Variants in EML6 observed in about 807,000 individuals in gnomAD.
The protein encoded by EML6 is EMAP like 6.
A neutral mutation model predicts 240.1 loss-of-function variants in EML6; 154 were observed. That is an observed-to-expected ratio of 0.64 (90% CI 0.56 to 0.73). EML6 has a LOEUF of 0.73. Among genes scored for constraint, EML6 ranks in the 30% least tolerant of loss-of-function variants. The pLI is 0.00. For missense variants in EML6, 2,964 were observed against 2,474.6 expected (o/e 1.20, Z -4.20); for synonymous variants, 1,148 against 899.0 (o/e 1.28, Z -4.95).
chr2:54,861,837 AATTCC>A (rs1459324485), intron 12 of EML6, among the ~76,000 whole-genome samples: 1 of 151,792 alleles, frequency 6.6e-6, no homozygotes, highest in Non-Finnish European at 1.5e-5. Context: ...GAAGAAATGA[AATTCC>A]AGATAAACGA....
In EML6 at chr2:54,895,414, G is replaced by T. The variant is rs1478012960; in HGVS notation, c.2982+14G>T. ...CTGCTTGTTCAGGTACTGTTTGTAT[G>T]TATTCTAAACTGCAGTTCACATCAA... On this transcript the variant is annotated intron_variant, in intron 21 of 41. Coordinates refer to ENST00000356458, the MANE Select transcript of EML6 (RefSeq NM_001039753.4). 1 of 1,551,430 alleles carries T rather than the reference G, an allele frequency of 6.4e-7. No individual in the cohort carries two copies. The highest frequency in any genetic ancestry group is 1.4e-5 in the African/African-American group (1 of 73,002).
chr2:54,901,150 T>C (rs1673037457), intron 22 of EML6, among the ~76,000 whole-genome samples: 2 of 152,192 alleles, frequency 1.3e-5, no homozygotes, highest in Admixed American at 1.3e-4. Flanking sequence ...GCTATTATTA[T>C]TGCCACTTAC....
At chr2:54,843,830 G>C (rs1333666777) in intron 7 of EML6, among the ~76,000 whole-genome samples, 4 of 124,752 alleles carry the variant, frequency 3.2e-5, no homozygotes, top group Admixed American at 8.9e-5. Context: ...GGGTGACAGA[G>C]CAAGACTCCA....
rs193239310 is a variant in EML6, at chr2:54,841,821, G to A, written c.848-2226G>A. ...TTGGCCAAGCTGGTCTCAAGCTCCT[G>A]GCCTCAAGCGATCTGCCTGCCTCAG... On this transcript the variant is annotated intron_variant, in intron 7 of 41. Coordinates refer to ENST00000356458, the MANE Select transcript of EML6 (RefSeq NM_001039753.4). Among the ~76,000 whole-genome samples the A allele has an allele frequency of 5.9e-3, 875 of 147,712 alleles. 12 individuals are homozygous for A. The highest frequency in any genetic ancestry group is 0.022 in the African/African-American group (829 of 37,310).
chr2:54,894,129 C>A (rs954981697), intron 19 of EML6, among the ~76,000 whole-genome samples: 47 of 151,202 alleles, frequency 3.1e-4, no homozygotes, highest in African/African-American at 9.9e-4. Context: ...AATATTATTT[C>A]TTTGTAAACT....
At position 54,784,704 on chromosome 2, in the gene EML6, A is replaced by T. The variant is rs974837642; in HGVS notation, c.198-28528A>T. On this transcript the variant is annotated intron_variant, in intron 2 of 41. Coordinates refer to ENST00000356458, the MANE Select transcript of EML6 (RefSeq NM_001039753.4). ...ATTATATACTGTATTCTTTTTTTTTAAATTTATTTTAAGTTCCAGGATACA... is the reference window on the plus strand; with the variant it reads ...ATTATATACTGTATTCTTTTTTTTTTAATTTATTTTAAGTTCCAGGATACA... 4.5e-4 allele frequency among the ~76,000 whole-genome samples: 69 copies of T among 152,144 alleles called. 1 individual carries two copies. The highest frequency in any genetic ancestry group is 1.8e-3 in the Admixed American group (28 of 15,292).
intron 28 of EML6, among the ~76,000 whole-genome samples, chr2:54,948,585 A>C (rs539227005): frequency 1.3e-5 from 2 of 152,306 alleles, no homozygotes; most frequent in Admixed American, 1.3e-4. Context: ...TTTCAAGCCC[A>C]CATGTTCTTC....
chr2:54,841,882 C>T (rs1041672134), intron 7 of EML6, among the ~76,000 whole-genome samples: 5 of 152,028 alleles, frequency 3.3e-5, no homozygotes, highest in South Asian at 2.1e-4. Flanking sequence ...CATGAGCCAC[C>T]GTGCCTTGCC....
intron 2 of EML6, among the ~76,000 whole-genome samples, chr2:54,791,191 C>T (rs1324575328): frequency 6.6e-6 from 1 of 151,866 alleles, no homozygotes; most frequent in African/African-American, 2.4e-5. Flanking sequence ...TTATTTCCTG[C>T]TTCTCCTGAG....
Position 54,964,090 on chromosome 2 carries a change from CTTG to C in EML6, c.5266_5268del (p.Leu1756del). On this transcript the variant is annotated inframe_deletion, in exon 37 of 42. Transcript: ENST00000356458. ...GCATGAAGAATGGAGAGTTTGTCAT[CTTG>C]TTGGTGAACAGCCTGAAAGTTTGGG... The C allele has an allele frequency of 1.3e-6, 2 of 1,551,730 alleles. No individual in the cohort carries two copies. Among genetic ancestry groups the C allele is most frequent in the Non-Finnish European group, 1.7e-6 (2 of 1,147,006 alleles).
chr2:54,851,057 A>G (rs1347816), intron 10 of EML6, among the ~76,000 whole-genome samples: 54,795 of 151,776 alleles, frequency 0.36, 10,250 homozygotes, highest in Middle Eastern at 0.46. Context: ...ATGCATGGGA[A>G]TGATACCTCA....
chr2:54,855,270 CAGAAGGTGAGGGGG>C lies in EML6; in HGVS notation c.1657+1423_1657+1436del, dbSNP rs985809083. Among the ~76,000 whole-genome samples the C allele has an allele frequency of 3.3e-4, 50 of 152,092 alleles. 1 individual carries two copies. Among genetic ancestry groups the C allele is most frequent in the African/African-American group, 1.2e-3 (50 of 41,470 alleles). ...GTGCTCAGGAAACTTACAATCATGG[CAGAAGGTGAGGGGG>C]AGAAGGTACGTCACAAAGCCAGAGC... On this transcript the variant is annotated intron_variant, in intron 11 of 41. Coordinates refer to ENST00000356458, the MANE Select transcript of EML6 (RefSeq NM_001039753.4).
intron 2 of EML6, among the ~76,000 whole-genome samples, chr2:54,803,281 C>G (rs1160690111): frequency 6.6e-6 from 1 of 152,092 alleles, no homozygotes; most frequent in Non-Finnish European, 1.5e-5. Flanking sequence ...ATGATCAAAG[C>G]CAACTAAACT....
intron 14 of EML6, chr2:54,868,315 A>G (rs1390096917): frequency 6.6e-6 from 1 of 152,200 alleles, no homozygotes; most frequent in East Asian, 1.9e-4. Flanking sequence ...ACTAATTGTG[A>G]CATATAATTA....
At chr2:54,911,317 T>C (rs867665023) in intron 25 of EML6, among the ~76,000 whole-genome samples, 13 of 152,256 alleles carry the variant, frequency 8.5e-5, no homozygotes, top group Non-Finnish European at 5.9e-5. Flanking sequence ...TGTTATATAT[T>C]CCTTTTTCCA....
intron 24 of EML6, among the ~76,000 whole-genome samples, chr2:54,910,036 G>A (rs1229913344): frequency 1.3e-5 from 2 of 151,950 alleles, no homozygotes; most frequent in Non-Finnish European, 2.9e-5. Context: ...GAAATATTAT[G>A]TATATGTATA....
chr2:54,950,751 G>A lies in EML6; in HGVS notation c.4185G>A (p.Ala1395=), dbSNP rs1045871380. The change falls in exon 30 of 42, where the codon GCG becomes GCA. Residue 1395 remains alanine, a synonymous_variant. Transcript: ENST00000356458. The stretch of plus-strand genomic sequence containing the variant: ...CTGACATCATCTTCCACACAGCAGC[G>A]GCTGGCATCGTTCAGAACCTCTCCA... ...DGADIIFHTA[A]AGIVQNLSTG... 9.0e-6 allele frequency: 14 copies of A among 1,551,408 alleles called. No individual in the cohort carries two copies. The highest frequency in any genetic ancestry group is 1.7e-4 in the Middle Eastern group (1 of 6,014).
At chr2:54,919,590 C>G (rs565289741) in intron 26 of EML6, among the ~76,000 whole-genome samples, 48 of 152,280 alleles carry the variant, frequency 3.2e-4, no homozygotes, top group Non-Finnish European at 2.9e-5. Context: ...CCTATTTGAT[C>G]AGAATTTAGT....
At chr2:54,832,662 TAAAAG>T in intron 7 of EML6, among the ~76,000 whole-genome samples, 1 of 152,032 alleles carries the variant, frequency 6.6e-6, no homozygotes, top group East Asian at 1.9e-4. Flanking sequence ...GCTGAGCAAA[TAAAAG>T]GGAAGGAAAG....
Sources: gnomAD v4.1 joint callset for allele counts (sites outside exome capture counted in the v4.1 genomes callset) on GRCh38, gnomAD v4.1.1 for gene constraint, MANE v1.5 for transcripts, NCBI Gene and HGNC (gene_info 2026-07-23, HGNC 2026-07-21) for gene names.